The following STOML1 variants were observed in gnomAD, a reference collection of about 807,000 sequenced individuals.
The protein encoded by STOML1 is stomatin like 1, also known as stomatin-like protein 1.
STOML1 carries 27 observed loss-of-function variants against 35.7 expected under a neutral mutation model. The observed-to-expected ratio is 0.76, with a 90% CI of 0.56 to 1.04. STOML1 has a LOEUF of 1.04. STOML1 is among the 50% of genes least tolerant of loss of function. The probability of loss-of-function intolerance (pLI) is 0.00; values close to 1 mark genes in which losing one functional copy is unlikely to be tolerated. For synonymous variants in STOML1, 219 were observed against 227.9 expected, an observed-to-expected ratio of 0.96 and a Z score of 0.35; for missense variants, 451 against 527.1, an observed-to-expected ratio of 0.86 and a Z score of 1.41.
intron 4 of STOML1, chr15:73,985,900 G>C (rs563752539): frequency 8.6e-5 from 18 of 209,288 alleles, no homozygotes; most frequent in Non-Finnish European, 1.3e-4. Flanking sequence ...ACAGCTGAGG[G>C]GTCAGAGGTG....
At chr15:73,992,609 A>G (rs2141684820), upstream of STOML1, among the ~76,000 whole-genome samples, 1 of 152,250 alleles carries the variant, frequency 6.6e-6, no homozygotes, top group South Asian at 2.1e-4. Context: ...GGAATTCAGG[A>G]CCATCCTGAG....
intron 1 of STOML1, chr15:73,990,840 G>C: frequency 6.5e-7 from 1 of 1,535,686 alleles, no homozygotes; most frequent in Non-Finnish European, 8.7e-7. Flanking sequence ...GAGCACCTGG[G>C]CATCTGTAAA....
chr15:73,992,269 C>T lies in STOML1; in HGVS notation c.-46G>A, dbSNP rs769811250. 1 of 1,564,384 alleles carries T rather than the reference C, an allele frequency of 6.4e-7. No individual in the cohort carries two copies. Among genetic ancestry groups the T allele is most frequent in the Non-Finnish European group, 8.6e-7 (1 of 1,161,454 alleles). On this transcript the variant is annotated 5_prime_UTR_variant, in exon 1 of 7. Transcript: ENST00000541638. ...CCCCGCGCCTCCGCGCGGCGCCCTCCCTGGCCAGTGGGCCCTACGCGGCCC... is the reference window on the plus strand; with the variant it reads ...CCCCGCGCCTCCGCGCGGCGCCCTCTCTGGCCAGTGGGCCCTACGCGGCCC...
At position 73,979,202 on chromosome 15, in the gene STOML1, G is replaced by C. The variant is rs889227946; in HGVS notation, c.*4735C>G. 1 of 152,236 alleles carries C rather than the reference G, an allele frequency of 6.6e-6. No homozygotes were observed. The highest frequency in any genetic ancestry group is 1.5e-5 in the Non-Finnish European group (1 of 68,042). The allele number at this position is 152,236 out of a possible 1,614,324, so 9.4% of individuals were successfully genotyped here. Reference sequence around the variant, plus strand: ...AGCGGTTATGGAAAGGTCAGTGGCTGCTCAAAGCTGGAGGTGGCAAGCACT... The same window carrying C: ...AGCGGTTATGGAAAGGTCAGTGGCTCCTCAAAGCTGGAGGTGGCAAGCACT... On this transcript the variant is annotated 3_prime_UTR_variant, in exon 7 of 7. Coordinates refer to ENST00000541638, the MANE Select transcript of STOML1 (RefSeq NM_004809.5).
intron 1 of STOML1, chr15:73,990,984 C>A: frequency 7.0e-7 from 1 of 1,433,300 alleles, no homozygotes; most frequent in South Asian, 1.5e-5. Flanking sequence ...CAACGGGAGC[C>A]ACAGATGAGG....
At chr15:73,984,191 T>G in intron 6 of STOML1, 61 bp from the exon 7 acceptor site, 5 of 1,529,760 alleles carry the variant, frequency 3.3e-6, no homozygotes, top group Non-Finnish European at 4.4e-6. Flanking sequence ...AGGAGATCTA[T>G]GGGGGTGGGA....
At chr15:73,984,987 C>G in intron 5 of STOML1, 116 bp from the exon 6 acceptor site, 1 of 1,210,456 alleles carries the variant, frequency 8.3e-7, no homozygotes, top group Non-Finnish European at 1.2e-6. Context: ...TCTTAGATCC[C>G]CTTCAGGCCT....
chr15:73,990,101 G>A (rs2069222506), intron 2 of STOML1: 2 of 457,800 alleles, frequency 4.4e-6, no homozygotes, highest in Non-Finnish European at 8.0e-6. Context: ...TAAAGCCAGT[G>A]TCCAGATCCC....
chr15:73,985,021 G>GT, intron 5 of STOML1, 150 bp from the exon 6 acceptor site: 1 of 954,492 alleles, frequency 1.0e-6, no homozygotes, highest in Non-Finnish European at 1.5e-6. Flanking sequence ...TCCTCTACCA[G>GT]AAAGGTGCCC....
chr15:73,992,825 A>G (rs940322398), upstream of STOML1, among the ~76,000 whole-genome samples: 4 of 152,152 alleles, frequency 2.6e-5, no homozygotes, highest in Admixed American at 1.3e-4. Context: ...CAGGAAGCCA[A>G]TCTTCTCCAG....
rs1036553461 is a variant in STOML1 at position 73,979,288 on chromosome 15, G to A, written c.*4649C>T. Reference sequence around the variant, plus strand: ...GGGAATGTTTTGTATTTGATTGTAGGGGGTGGTGGTTACTCAGGTGTTCAC... The same window carrying A: ...GGGAATGTTTTGTATTTGATTGTAGAGGGTGGTGGTTACTCAGGTGTTCAC... On this transcript the variant is annotated 3_prime_UTR_variant, in exon 7 of 7. Transcript: ENST00000541638. The A allele has an allele frequency of 6.6e-6, 1 of 152,154 alleles. No individual in the cohort carries two copies. Among genetic ancestry groups the A allele is most frequent in the Non-Finnish European group, 1.5e-5 (1 of 68,010 alleles). The allele number at this position is 152,154 out of a possible 1,614,324, so 9.4% of individuals were successfully genotyped here. A position where few individuals can be genotyped will look rare whatever the true frequency, so the allele number is the denominator to read the frequency against.
upstream of STOML1, among the ~76,000 whole-genome samples, chr15:73,994,339 G>A (rs914177723): frequency 1.3e-5 from 2 of 152,168 alleles, no homozygotes; most frequent in African/African-American, 4.8e-5. Context: ...TCCCAGCTGT[G>A]GGCTCTCCTT....
Position 73,980,087 on chromosome 15 carries a change from A to T in STOML1, c.*3850T>A, listed in dbSNP as rs2068945345. The T allele has an allele frequency of 6.6e-6, 1 of 152,150 alleles. No homozygotes were observed. Among genetic ancestry groups the T allele is most frequent in the Admixed American group, 6.6e-5 (1 of 15,258 alleles). The allele number at this position is 152,150 out of a possible 1,614,324, so 9.4% of individuals were successfully genotyped here. A position where few individuals can be genotyped will look rare whatever the true frequency, so the allele number is the denominator to read the frequency against. ...AAATAACTTGAACAATAAACAAAAA[A>T]ATTACACTGAGATACAAATTTTCAC... is the stretch of plus-strand genomic sequence containing the variant. On this transcript the variant is annotated 3_prime_UTR_variant, in exon 7 of 7. Transcript: ENST00000541638.
At position 73,981,684 on chromosome 15, in the gene STOML1, C is replaced by T. The variant is rs1466207215; in HGVS notation, c.*2253G>A. On this transcript the variant is annotated 3_prime_UTR_variant, in exon 7 of 7. Coordinates refer to ENST00000541638, the MANE Select transcript of STOML1 (RefSeq NM_004809.5). Reference sequence around the variant, plus strand: ...TTCCCCATCTCTTCTTATTGTCCACCTACTTGGTAGCTGGGATGTGGAGGA... The same window carrying T: ...TTCCCCATCTCTTCTTATTGTCCACTTACTTGGTAGCTGGGATGTGGAGGA... The T allele has an allele frequency of 6.6e-6, 1 of 152,238 alleles. No individual in the cohort carries two copies. Among genetic ancestry groups the T allele is most frequent in the Non-Finnish European group, 1.5e-5 (1 of 68,084 alleles). 9.4% of individuals were successfully genotyped at this position (152,238 alleles called of 1,614,324 possible). A position where few individuals can be genotyped will look rare whatever the true frequency, so the allele number is the denominator to read the frequency against.
At chr15:73,991,631 C>G (rs769381865) in intron 1 of STOML1, 1 of 459,510 alleles carries the variant, frequency 2.2e-6, no homozygotes, top group Non-Finnish European at 4.4e-6. Flanking sequence ...GAGGACCTGT[C>G]ATTTTGGCCT....
rs915061283 is a variant in STOML1, at chr15:73,985,121, C to T, written c.790+197G>A. Among the ~76,000 whole-genome samples, 10 of 152,222 alleles carry T rather than the reference C, an allele frequency of 6.6e-5. No homozygotes were observed. In the South Asian group the frequency reaches 2.1e-3, roughly 32 times the overall value. On this transcript the variant is annotated intron_variant, in intron 5 of 6. Transcript: ENST00000541638. ...TTTCCAGCTGCCCTTCTGGTGATGT[C>T]GCCTCCTCCCATGGAGGCTGCCAAT...
chr15:73,989,203 G>A lies in STOML1; in HGVS notation c.295C>T (p.Pro99Ser). Residue 99 changes from proline to serine, a missense_variant, in exon 3 of 7, where the codon CCC becomes TCC. Coordinates refer to ENST00000541638, the MANE Select transcript of STOML1 (RefSeq NM_004809.5). ...IVFRLGRIRT[P>S]QGPGMVLLLP... Reference sequence around the variant, plus strand: ...AGCAGAACCATGCCAGGTCCCTGGGGGGTGCGGATCCGGCCCAGGCGGAAC... The same window carrying A: ...AGCAGAACCATGCCAGGTCCCTGGGAGGTGCGGATCCGGCCCAGGCGGAAC... 6.2e-7 allele frequency: 1 copy of A among 1,612,440 alleles called. No individual in the cohort carries two copies. Among genetic ancestry groups the A allele is most frequent in the Non-Finnish European group, 8.5e-7 (1 of 1,179,046 alleles).
Position 73,979,803 on chromosome 15 carries a change from G to T in STOML1, c.*4134C>A, listed in dbSNP as rs2068941195. On this transcript the variant is annotated 3_prime_UTR_variant, in exon 7 of 7. Coordinates refer to ENST00000541638, the MANE Select transcript of STOML1 (RefSeq NM_004809.5). ...CAATAAACAATTGGACAATAAACAG[G>T]CTGGGCTAGATGGCTCATGCCTGTA... The T allele has an allele frequency of 6.6e-6, 1 of 151,622 alleles. No individual in the cohort carries two copies. Among genetic ancestry groups the T allele is most frequent in the Non-Finnish European group, 1.5e-5 (1 of 68,044 alleles). 9.4% of individuals were successfully genotyped at this position (151,622 alleles called of 1,614,324 possible).
chr15:73,991,664 T>G (rs764892622), intron 1 of STOML1: 5 of 464,050 alleles, frequency 1.1e-5, no homozygotes, highest in Non-Finnish European at 2.1e-5. Flanking sequence ...GATGCCTAGT[T>G]CCCGGGCTTC....
Sources: allele counts gnomAD v4.1 joint callset (sites outside exome capture counted in the v4.1 genomes callset), GRCh38; gene constraint gnomAD v4.1.1; transcripts MANE v1.5; gene names NCBI Gene and HGNC (gene_info 2026-07-23, HGNC 2026-07-21).